SORCS2: variants seen among roughly 807,000 people sequenced by gnomAD.
SORCS2 encodes VPS10 domain-containing receptor SorCS2.
A neutral mutation model predicts 141.6 loss-of-function variants in SORCS2; 100 were observed. The ratio of observed to expected loss-of-function variants is 0.71; its 90% CI spans 0.60 to 0.83. The LOEUF is 0.83. Ranked by LOEUF, SORCS2 falls within the 40% of genes least tolerant of loss-of-function variation. The pLI is 0.00. For missense variants in SORCS2, 1,646 were observed against 1,560.2 expected (o/e 1.05, Z -0.93); for synonymous variants, 789 against 676.9 (o/e 1.17, Z -2.57).
chr4:7,626,920 C>T (rs1163766199), intron 3 of SORCS2, among the ~76,000 whole-genome samples: 7 of 152,096 alleles, frequency 4.6e-5, no homozygotes, highest in Non-Finnish European at 7.4e-5. Flanking sequence ...TCCTCATCCT[C>T]GATGATAATG....
At position 7,573,727 on chromosome 4, in the gene SORCS2, A is replaced by G. The variant is rs189245667; in HGVS notation, c.648+42098A>G. Among the ~76,000 whole-genome samples, 3 of 152,314 alleles carry G rather than the reference A, an allele frequency of 2.0e-5. No homozygotes were observed. The East Asian group carries it at 5.8e-4, about 29-fold the overall frequency. ...GGAGGGGTGAAGGGGAAAAATCTTT[A>G]CACAGCACATAGGACTAGGGGCCAG... On this transcript the variant is annotated intron_variant, in intron 3 of 26. Coordinates refer to ENST00000507866, the MANE Select transcript of SORCS2 (RefSeq NM_020777.3).
chr4:7,456,757 T>C (rs1417536234), intron 2 of SORCS2, among the ~76,000 whole-genome samples: 1 of 152,132 alleles, frequency 6.6e-6, no homozygotes, highest in East Asian at 1.9e-4. Flanking sequence ...TGCCTGCTGC[T>C]TGTCCCCCTG....
intron 1 of SORCS2, among the ~76,000 whole-genome samples, chr4:7,339,588 C>T (rs549024115): frequency 3.3e-5 from 5 of 152,160 alleles, no homozygotes; most frequent in South Asian, 4.1e-4. Flanking sequence ...GGTGTTCTCC[C>T]GGATAGCGTC....
intron 2 of SORCS2, among the ~76,000 whole-genome samples, chr4:7,414,381 C>T (rs1482090019): frequency 6.6e-6 from 1 of 152,172 alleles, no homozygotes; most frequent in Non-Finnish European, 1.5e-5. Context: ...AGAAGTTTTC[C>T]AGGCAGGGAA....
intron 1 of SORCS2, among the ~76,000 whole-genome samples, chr4:7,370,074 C>G (rs76984738): frequency 0.11 from 16,238 of 152,178 alleles, 1,577 homozygotes; most frequent in East Asian, 0.56. Flanking sequence ...TCAGTGCCCC[C>G]CCAGCTTAGC....
chr4:7,391,662 C>T (rs1723872730), intron 1 of SORCS2, among the ~76,000 whole-genome samples: 7 of 152,114 alleles, frequency 4.6e-5, no homozygotes, highest in South Asian at 4.1e-4. Flanking sequence ...AGTCAGTGGA[C>T]GTGGGGGCTG....
intron 1 of SORCS2, among the ~76,000 whole-genome samples, chr4:7,378,998 G>A (rs1283937534): frequency 2.0e-5 from 3 of 152,104 alleles, no homozygotes; most frequent in Non-Finnish European, 4.4e-5. Flanking sequence ...TTCATTCTCG[G>A]GTAATATGCA....
At chr4:7,196,043 C>T (rs1047593354) in intron 1 of SORCS2, among the ~76,000 whole-genome samples, 6 of 152,178 alleles carry the variant, frequency 3.9e-5, no homozygotes, top group Admixed American at 3.9e-4. Flanking sequence ...AGGATTTAAG[C>T]CCTCATTGCT....
chr4:7,665,874 C>T (rs374094204), intron 7 of SORCS2, among the ~76,000 whole-genome samples: 6 of 152,298 alleles, frequency 3.9e-5, no homozygotes, highest in South Asian at 2.1e-4. Flanking sequence ...CTAAGACCCC[C>T]GGAGCTCACC....
chr4:7,585,092 G>A (rs1716449329), intron 3 of SORCS2, among the ~76,000 whole-genome samples: 1 of 152,208 alleles, frequency 6.6e-6, no homozygotes, highest in Non-Finnish European at 1.5e-5. Flanking sequence ...ATGGACAGGA[G>A]GAAGAGGTGA....
At chr4:7,353,678 T>C (rs926036538) in intron 1 of SORCS2, among the ~76,000 whole-genome samples, 2 of 152,128 alleles carry the variant, frequency 1.3e-5, no homozygotes, top group African/African-American at 2.4e-5. Context: ...CCGATGGCTT[T>C]GGGAAGGCAG....
rs1727368203 is a variant in SORCS2, at chr4:7,728,401, A to G, written c.2921A>G (p.Asn974Ser). 6.2e-7 allele frequency: 1 copy of G among 1,613,652 alleles called. No individual in the cohort carries two copies. The highest frequency in any genetic ancestry group is 1.1e-5 in the South Asian group (1 of 91,026). ...TTTTCCAAGGAGCTGGATGCCTACA[A>G]CCCCAACACCCCTGAGTGGAGGGAA... Reference protein sequence around the residue: ...LQFSKELDAYNPNTPEWREDV... With the variant: ...LQFSKELDAYSPNTPEWREDV... Residue 974 changes from asparagine to serine, a missense_variant, in exon 22 of 27, where the codon AAC becomes AGC. Transcript: ENST00000507866.
At chr4:7,313,040 T>C (rs1453812999) in intron 1 of SORCS2, among the ~76,000 whole-genome samples, 1 of 151,832 alleles carries the variant, frequency 6.6e-6, no homozygotes, top group Non-Finnish European at 1.5e-5. Flanking sequence ...GGACTGGGGG[T>C]CCTCTAGGAC....
At chr4:7,636,554 G>A (rs769122724) in intron 3 of SORCS2, among the ~76,000 whole-genome samples, 40 of 152,112 alleles carry the variant, frequency 2.6e-4, no homozygotes, top group Non-Finnish European at 4.1e-4. Context: ...AAATGGCCCC[G>A]GGGCCACCTG....
intron 1 of SORCS2, among the ~76,000 whole-genome samples, chr4:7,338,960 C>G (rs563977389): frequency 2.0e-5 from 3 of 152,266 alleles, no homozygotes; most frequent in African/African-American, 4.8e-5. Context: ...TACAGTAAAC[C>G]CCAGGATACC....
intron 3 of SORCS2, among the ~76,000 whole-genome samples, chr4:7,628,069 G>A (rs1719630453): frequency 6.6e-6 from 1 of 152,226 alleles, no homozygotes; most frequent in South Asian, 2.1e-4. Context: ...CCTGTCAGCG[G>A]TCATGTGAAG....
chr4:7,677,600 G>T (rs550891219), intron 9 of SORCS2, among the ~76,000 whole-genome samples: 1 of 150,184 alleles, frequency 6.7e-6, no homozygotes, highest in South Asian at 2.1e-4. Flanking sequence ...AGAGTGTCCC[G>T]TGGGTGGCCA....
intron 3 of SORCS2, among the ~76,000 whole-genome samples, chr4:7,567,596 A>T (rs1715114008): frequency 1.3e-5 from 2 of 152,192 alleles, no homozygotes; most frequent in African/African-American, 4.8e-5. Context: ...CACTGTTGAC[A>T]CTGACCCTTG....
rs56241745 is a variant in SORCS2 at position 7,648,188 on chromosome 4, AGAGGAGGAGGAG to A, written c.814-5931_814-5920del. On this transcript the variant is annotated intron_variant, in intron 4 of 26. Transcript: ENST00000507866. This position sits in a 1 kb window ranked among gnomAD's most constrained non-coding sequence, Gnocchi z 4.2. ...GAGGGAGGCCATTTACTGAGACCGCAGAGGAGGAGGAGGAGGAGGAGGAGGAAGACACGGAGG... is the reference window on the plus strand; with the variant it reads ...GAGGGAGGCCATTTACTGAGACCGCAGAGGAGGAGGAGGAAGACACGGAGG... 1.3e-5 allele frequency among the ~76,000 whole-genome samples: 2 copies of A among 150,346 alleles called. No homozygotes were observed. Among genetic ancestry groups the A allele is most frequent in the African/African-American group, 4.9e-5 (2 of 40,716 alleles).
Sources: allele counts gnomAD v4.1 joint callset (sites outside exome capture counted in the v4.1 genomes callset), GRCh38; gene constraint gnomAD v4.1.1; non-coding constraint Gnocchi (gnomAD v3.1); transcripts MANE v1.5; gene names NCBI Gene and HGNC (gene_info 2026-07-23, HGNC 2026-07-21).